PDZRN3: variants seen among roughly 807,000 people sequenced by gnomAD.
PDZRN3 encodes PDZ domain containing ring finger 3.
In PDZRN3, 38 loss-of-function variants were observed where a neutral mutation model predicts 85.7. The ratio of observed to expected loss-of-function variants is 0.44; its 90% CI spans 0.34 to 0.58. PDZRN3 has a LOEUF of 0.58. Among genes scored for constraint, PDZRN3 ranks in the 20% least tolerant of loss-of-function variants. The pLI is 0.01. For synonymous variants in PDZRN3, 759 were observed against 638.0 expected (o/e 1.19, Z -2.86); for missense variants, 1,629 against 1,506.4 (o/e 1.08, Z -1.35).
At chr3:73,623,323 A>G (rs541628276) in intron 1 of PDZRN3, among the ~76,000 whole-genome samples, 14 of 152,354 alleles carry the variant, frequency 9.2e-5, no homozygotes, top group South Asian at 8.3e-4. Flanking sequence ...CCCAGATTTG[A>G]AAACAGTTTT....
chr3:73,549,190 G>T (rs1701495532), intron 3 of PDZRN3, among the ~76,000 whole-genome samples: 1 of 152,166 alleles, frequency 6.6e-6, no homozygotes, highest in South Asian at 2.1e-4. Context: ...TTTAATTGCA[G>T]AATAACGAGT....
chr3:73,565,163 CTG>C (rs1246400805), intron 3 of PDZRN3, among the ~76,000 whole-genome samples: 2 of 138,786 alleles, frequency 1.4e-5, no homozygotes, highest in African/African-American at 2.8e-5. Context: ...GATTCTTACT[CTG>C]TTGCCCAGGC....
At chr3:73,447,114 T>C (rs545290022) in intron 3 of PDZRN3, among the ~76,000 whole-genome samples, 1 of 149,454 alleles carries the variant, frequency 6.7e-6, no homozygotes, top group Admixed American at 6.7e-5. Flanking sequence ...CTAATATATA[T>C]AATTTTGCAA....
intron 3 of PDZRN3, among the ~76,000 whole-genome samples, chr3:73,424,731 G>C (rs971003459): frequency 6.6e-6 from 1 of 151,864 alleles, no homozygotes; most frequent in Non-Finnish European, 1.5e-5. Context: ...AGTTGGAGCA[G>C]GCACTTTACA....
chr3:73,416,203 G>T (rs1231250880), intron 3 of PDZRN3, among the ~76,000 whole-genome samples: 2 of 152,102 alleles, frequency 1.3e-5, no homozygotes, highest in African/African-American at 2.4e-5. Context: ...AAGCGCTCCA[G>T]AAAGTAAGTG....
At chr3:73,391,172 G>T in intron 5 of PDZRN3, 56 bp from the exon 6 acceptor site, 1 of 1,011,764 alleles carries the variant, frequency 9.9e-7, no homozygotes, top group Non-Finnish European at 1.6e-6. Context: ...GAGTTGAGGG[G>T]ATGTCAAATG....
intron 3 of PDZRN3, among the ~76,000 whole-genome samples, chr3:73,532,236 C>G (rs919165071): frequency 7.9e-5 from 12 of 151,992 alleles, no homozygotes; most frequent in Non-Finnish European, 4.4e-5. Flanking sequence ...CTCCTGACCT[C>G]GTGATCCACC....
intron 3 of PDZRN3, among the ~76,000 whole-genome samples, chr3:73,600,337 A>ACTCTCT (rs1553706426): frequency 0.3 from 30,256 of 100,036 alleles, 5,289 homozygotes; most frequent in Non-Finnish European, 0.38. Context: ...ACACACACAC[A>ACTCTCT]CTCTCTCTCT....
chr3:73,430,245 C>T (rs139939768), intron 3 of PDZRN3, among the ~76,000 whole-genome samples: 34 of 152,148 alleles, frequency 2.2e-4, no homozygotes, highest in African/African-American at 7.2e-4. Flanking sequence ...AGCATTGTGC[C>T]GGCACATAGT....
At chr3:73,453,786 G>C (rs988906759) in intron 3 of PDZRN3, among the ~76,000 whole-genome samples, 1 of 152,134 alleles carries the variant, frequency 6.6e-6, no homozygotes. Context: ...ATTGATCTCC[G>C]TGTTAAGCCA....
intron 3 of PDZRN3, among the ~76,000 whole-genome samples, chr3:73,505,537 T>C (rs944621551): frequency 6.6e-6 from 1 of 152,106 alleles, no homozygotes; most frequent in African/African-American, 2.4e-5. Context: ...TATCAGAAAA[T>C]CAGGATTTTT....
rs116642661 is a variant in PDZRN3 at position 73,472,054 on chromosome 3, A to G, written c.919-67659T>C. Among the ~76,000 whole-genome samples the G allele has an allele frequency of 6.0e-3, 900 of 149,646 alleles. 17 individuals are homozygous for G. The highest frequency in any genetic ancestry group is 0.022 in the African/African-American group (855 of 38,990). ...GCCATGCTGATTTACTATTTTTAAGATACTGTTGTGGAGAGAAATCTAGGT... is the reference window on the plus strand; with the variant it reads ...GCCATGCTGATTTACTATTTTTAAGGTACTGTTGTGGAGAGAAATCTAGGT... On this transcript the variant is annotated intron_variant, in intron 3 of 9. Transcript: ENST00000263666.
At chr3:73,416,904 TTTTTTG>T (rs1702102154) in intron 3 of PDZRN3, among the ~76,000 whole-genome samples, 1 of 147,494 alleles carries the variant, frequency 6.8e-6, no homozygotes, top group African/African-American at 2.5e-5. Context: ...TTTTTTTTTT[TTTTTTG>T]AGACAGAGTC....
chr3:73,442,102 G>A (rs1346666383), intron 3 of PDZRN3, among the ~76,000 whole-genome samples: 1 of 152,142 alleles, frequency 6.6e-6, no homozygotes, highest in African/African-American at 2.4e-5. Context: ...CTGTGATCTG[G>A]GCCAGGCTCC....
At chr3:73,590,452 GTC>G (rs775328151) in intron 3 of PDZRN3, among the ~76,000 whole-genome samples, 7 of 152,066 alleles carry the variant, frequency 4.6e-5, no homozygotes, top group Non-Finnish European at 8.8e-5. Flanking sequence ...CTCTGGTTAG[GTC>G]TCTCTCTACT....
intron 3 of PDZRN3, among the ~76,000 whole-genome samples, chr3:73,405,671 T>G (rs1410779781): frequency 6.6e-6 from 1 of 152,228 alleles, no homozygotes; most frequent in African/African-American, 2.4e-5. Context: ...ATCTCTTAGA[T>G]TAATAGTCCA....
chr3:73,432,405 T>C (rs187380130), intron 3 of PDZRN3, among the ~76,000 whole-genome samples: 1 of 152,210 alleles, frequency 6.6e-6, no homozygotes, highest in Non-Finnish European at 1.5e-5. Flanking sequence ...TCACAAGACT[T>C]ATTTAAGATG....
chr3:73,398,340 T>G (rs1701681735), intron 5 of PDZRN3, among the ~76,000 whole-genome samples: 1 of 152,184 alleles, frequency 6.6e-6, no homozygotes, highest in Non-Finnish European at 1.5e-5. Context: ...CTGGTGTGAC[T>G]CAAGAGAACA....
At chr3:73,427,633 G>A (rs560790641) in intron 3 of PDZRN3, among the ~76,000 whole-genome samples, 2 of 152,322 alleles carry the variant, frequency 1.3e-5, no homozygotes, top group Admixed American at 6.5e-5. Context: ...TCATGGCAAC[G>A]TGCAGCTGTA....
Sources: allele counts gnomAD v4.1 joint callset (sites outside exome capture counted in the v4.1 genomes callset), GRCh38; gene constraint gnomAD v4.1.1; transcripts MANE v1.5; gene names NCBI Gene and HGNC (gene_info 2026-07-23, HGNC 2026-07-21).